The following ZBTB38 variants were observed in gnomAD, a reference collection of about 807,000 sequenced individuals.
ZBTB38 encodes the protein zinc finger and BTB domain-containing protein 38.
Under a neutral mutation model 76.8 loss-of-function variants are expected in ZBTB38, and 20 were observed. The ratio of observed to expected loss-of-function variants is 0.26; its 90% confidence interval spans 0.18 to 0.38. The LOEUF is 0.38. ZBTB38 is among the 10% of genes least tolerant of loss of function. The pLI, the probability that ZBTB38 is intolerant of heterozygous loss-of-function variation, is 1.00. For missense variants in ZBTB38, 1,082 were observed against 1,482.3 expected, an observed-to-expected ratio of 0.73 and a Z score of 4.43; for synonymous variants, 504 against 544.2, an observed-to-expected ratio of 0.93 and a Z score of 1.03.
chr3:141,378,919 T>A (rs776925797), intron 2 of ZBTB38, among the ~76,000 whole-genome samples: 17 of 152,360 alleles, frequency 1.1e-4, no homozygotes, highest in South Asian at 2.1e-4. Flanking sequence ...CCCTGTGCAG[T>A]AATTTCTTTT....
intron 5 of ZBTB38, among the ~76,000 whole-genome samples, chr3:141,406,179 A>G (rs1954337349): frequency 6.6e-6 from 1 of 152,226 alleles, no homozygotes; most frequent in African/African-American, 2.4e-5. Flanking sequence ...GCATTAACCA[A>G]TAGGTGTCAT....
intron 4 of ZBTB38, among the ~76,000 whole-genome samples, chr3:141,393,363 C>G (rs1412051756): frequency 6.6e-6 from 1 of 152,198 alleles, no homozygotes; most frequent in African/African-American, 2.4e-5. Flanking sequence ...GCCCTGAGGG[C>G]CTTACAAGCC....
At chr3:141,415,744 G>A (rs1440080794) in intron 5 of ZBTB38, among the ~76,000 whole-genome samples, 1 of 152,186 alleles carries the variant, frequency 6.6e-6, no homozygotes, top group Non-Finnish European at 1.5e-5. Context: ...AGAAATGTAT[G>A]ATGGGGTGAT....
Position 141,421,679 on chromosome 3 carries a change from G to A in ZBTB38, c.-1+17648G>A, listed in dbSNP as rs1159055046. 5.9e-5 allele frequency among the ~76,000 whole-genome samples: 9 copies of A among 152,228 alleles called. No homozygotes were observed. The South Asian group carries it at 1.4e-3, about 25-fold the overall frequency. ...AACAAGGAGATTCACACACTGGCTG[G>A]AGCCGTCCTCAGCCCCTCACCCCAC... On this transcript the variant is annotated intron_variant, in intron 5 of 5. Coordinates refer to ENST00000321464, the MANE Select transcript of ZBTB38 (RefSeq NM_001376113.1).
At chr3:141,402,122 G>A (rs1230921177) in intron 4 of ZBTB38, among the ~76,000 whole-genome samples, 2 of 152,210 alleles carry the variant, frequency 1.3e-5, no homozygotes, top group Non-Finnish European at 2.9e-5. Context: ...TGAGGCCGCT[G>A]CCTCCTTGGT....
chr3:141,359,940 A>C (rs1468532479), intron 1 of ZBTB38, among the ~76,000 whole-genome samples: 2 of 152,184 alleles, frequency 1.3e-5, no homozygotes, highest in African/African-American at 2.4e-5. Context: ...CATAAACAAA[A>C]ACAACAAAAT....
At chr3:141,397,313 T>C (rs188243945) in intron 4 of ZBTB38, among the ~76,000 whole-genome samples, 1 of 152,344 alleles carries the variant, frequency 6.6e-6, no homozygotes, top group African/African-American at 2.4e-5. Context: ...CTAGTCTTCC[T>C]AGAATTGAGG....
chr3:141,362,097 G>C (rs141118883), intron 1 of ZBTB38, among the ~76,000 whole-genome samples: 1 of 152,262 alleles, frequency 6.6e-6, no homozygotes, highest in African/African-American at 2.4e-5. Flanking sequence ...AATGAGTCCT[G>C]ACCTGCACTT....
Position 141,398,785 on chromosome 3 carries a change from C to T in ZBTB38, c.-105-5142C>T, listed in dbSNP as rs560937636. On this transcript the variant is annotated intron_variant, in intron 4 of 5. Coordinates refer to ENST00000321464, the MANE Select transcript of ZBTB38 (RefSeq NM_001376113.1). ...AAAGAAAAATAACCACAGTACTAGA[C>T]CACACCAACAAAGAACAATAATTCC... Among the ~76,000 whole-genome samples, 46 of 152,182 alleles carry T rather than the reference C, an allele frequency of 3.0e-4. No homozygotes were observed. The Middle Eastern group carries it at 0.01, about 34-fold the overall frequency.
At chr3:141,417,556 CCT>C (rs1205169014) in intron 5 of ZBTB38, among the ~76,000 whole-genome samples, 7 of 151,764 alleles carry the variant, frequency 4.6e-5, no homozygotes, top group African/African-American at 1.2e-4. Flanking sequence ...AAATTTTTCC[CCT>C]CTCTTTCATC....
intron 5 of ZBTB38, among the ~76,000 whole-genome samples, chr3:141,411,513 C>A (rs1956633367): frequency 6.6e-6 from 1 of 152,210 alleles, no homozygotes. Flanking sequence ...GTGTTCAGCC[C>A]TTCCCTTGAA....
At chr3:141,440,607 A>C (rs776320856) in intron 5 of ZBTB38, among the ~76,000 whole-genome samples, 1 of 152,190 alleles carries the variant, frequency 6.6e-6, no homozygotes, top group African/African-American at 2.4e-5. Flanking sequence ...GACTGGATGA[A>C]TCTCTGGTTA....
Position 141,442,947 on chromosome 3 carries a change from G to T in ZBTB38, c.559G>T (p.Ala187Ser). 6.2e-7 allele frequency: 1 copy of T among 1,614,194 alleles called. No individual in the cohort carries two copies. Among genetic ancestry groups the T allele is most frequent in the Non-Finnish European group, 8.5e-7 (1 of 1,180,026 alleles). Residue 187 changes from alanine (A) to serine (S), a missense_variant, in exon 6 of 6, where the codon GCA (alanine) becomes TCA (serine). By Grantham distance (99) the Ala-to-Ser change is moderately conservative. This residue lies in a region of ZBTB38 where 324 missense variants were observed against 359.1 expected (regional missense o/e 0.90). Transcript: ENST00000321464. The surrounding 1 kb of genome is among the most constrained non-coding windows in gnomAD (Gnocchi z 6.4). ...NNMFSPLDLR[A>S]SFKKVSDSMR... ...CATGTTTTCCCCGCTGGACTTGAGG[G>T]CAAGTTTCAAAAAGGTCTCCGACTC...
intron 1 of ZBTB38, among the ~76,000 whole-genome samples, chr3:141,330,755 C>G (rs1282822666): frequency 6.6e-6 from 1 of 152,138 alleles, no homozygotes; most frequent in Non-Finnish European, 1.5e-5. Context: ...GTGGATTAAT[C>G]CATTCATGGA....
chr3:141,426,559 G>A (rs1199885172), intron 5 of ZBTB38, among the ~76,000 whole-genome samples: 1 of 152,230 alleles, frequency 6.6e-6, no homozygotes, highest in Non-Finnish European at 1.5e-5. Context: ...CCAGAAGGAA[G>A]TGACCGGTGA....
chr3:141,370,855 G>A (rs1944446041), intron 2 of ZBTB38, among the ~76,000 whole-genome samples: 1 of 152,110 alleles, frequency 6.6e-6, no homozygotes, highest in Admixed American at 6.5e-5. Flanking sequence ...CCCCAACTAT[G>A]AGCCCCAGTG....
At chr3:141,331,425 G>A (rs913329518) in intron 1 of ZBTB38, among the ~76,000 whole-genome samples, 2 of 152,232 alleles carry the variant, frequency 1.3e-5, no homozygotes, top group Non-Finnish European at 2.9e-5. Context: ...TGTGTCCAGT[G>A]AGGGAATGTC....
At chr3:141,325,876 A>G (rs1238361438) in intron 1 of ZBTB38, among the ~76,000 whole-genome samples, 2 of 152,214 alleles carry the variant, frequency 1.3e-5, no homozygotes, top group Admixed American at 6.5e-5. Context: ...AAGTTATAAT[A>G]AGATGATTAA....
chr3:141,330,396 C>G (rs1942812955), intron 1 of ZBTB38, among the ~76,000 whole-genome samples: 3 of 152,356 alleles, frequency 2.0e-5, no homozygotes, highest in Admixed American at 6.5e-5. Context: ...ACCCACTCAC[C>G]AGAAAGCCTT....
Sources: gnomAD v4.1 joint callset for allele counts (sites outside exome capture counted in the v4.1 genomes callset) on GRCh38, gnomAD v4.1.1 for gene constraint, gnomAD v4.1.1 regional missense constraint, Gnocchi (gnomAD v3.1) non-coding constraint, MANE v1.5 for transcripts, NCBI Gene and HGNC (gene_info 2026-07-23, HGNC 2026-07-21) for gene names.